Variants in MAPK10 observed in about 807,000 individuals in gnomAD.
The protein encoded by MAPK10 is JNK3 alpha protein kinase.
MAPK10 carries 25 observed loss-of-function variants against 59.3 expected under a neutral mutation model. The observed-to-expected ratio is 0.42, with a 90% CI of 0.31 to 0.59. MAPK10 has a LOEUF of 0.59. MAPK10 is among the 20% of genes least tolerant of loss of function. The pLI is 0.15. For missense variants in MAPK10, 351 were observed against 568.9 expected (o/e 0.62, Z 3.90); for synonymous variants, 190 against 200.5 (o/e 0.95, Z 0.44).
intron 1 of MAPK10, among the ~76,000 whole-genome samples, chr4:86,486,678 G>T (rs754578880): frequency 6.6e-6 from 1 of 152,194 alleles, no homozygotes; most frequent in Non-Finnish European, 1.5e-5. Flanking sequence ...GATTGATTCA[G>T]AAAAGAATTA....
rs188580411 is a variant in MAPK10, at chr4:86,345,548, T to A, written c.-7+8982A>T. Among the ~76,000 whole-genome samples the A allele has an allele frequency of 9.3e-4, 141 of 152,328 alleles. 1 individual carries two copies. The highest frequency in any genetic ancestry group is 9.7e-4 in the East Asian group (5 of 5,174). ...GATTTTCCAATATACTCGGTGAAAC[T>A]ATTGGTGTCTTAGTCACTTTAGAAA... On this transcript the variant is annotated intron_variant, in intron 2 of 13. Transcript: ENST00000641462.
At chr4:86,187,320 A>G (rs2078485311) in intron 3 of MAPK10, among the ~76,000 whole-genome samples, 1 of 152,218 alleles carries the variant, frequency 6.6e-6, no homozygotes, top group African/African-American at 2.4e-5. Context: ...GCACTGTGAT[A>G]CCACAACAGT....
intron 1 of MAPK10, among the ~76,000 whole-genome samples, chr4:86,479,696 A>G (rs1436929297): frequency 1.3e-5 from 2 of 152,264 alleles, no homozygotes; most frequent in East Asian, 3.9e-4. Context: ...GCTATGCTGA[A>G]CTTCCTTAGG....
chr4:86,501,331 GTATT>G (rs1755308373), intron 1 of MAPK10, among the ~76,000 whole-genome samples: 1 of 151,840 alleles, frequency 6.6e-6, no homozygotes, highest in Non-Finnish European at 1.5e-5. Flanking sequence ...GTATACAACT[GTATT>G]TATTTAATAA....
At position 86,017,212 on chromosome 4, in the gene MAPK10, G is replaced by A. The variant is rs756938503; in HGVS notation, c.*16C>T. Reference sequence around the variant, plus strand: ...CATCTCCTGAAGAACGCTGGGTTTCGCAGGCAGGCGGCTAGTCACCTGCAA... The same window carrying A: ...CATCTCCTGAAGAACGCTGGGTTTCACAGGCAGGCGGCTAGTCACCTGCAA... On this transcript the variant is annotated 3_prime_UTR_variant, in exon 14 of 14. Transcript: ENST00000641462. This position sits in a 1 kb window ranked among gnomAD's most constrained non-coding sequence, Gnocchi z 4.4. The A allele has an allele frequency of 1.9e-5, 30 of 1,612,064 alleles. No individual in the cohort carries two copies. Among genetic ancestry groups the A allele is most frequent in the East Asian group, 6.7e-5 (3 of 44,854 alleles).
intron 1 of MAPK10, among the ~76,000 whole-genome samples, chr4:86,385,294 T>C (rs1741315737): frequency 2.0e-5 from 3 of 152,332 alleles, no homozygotes; most frequent in Middle Eastern, 6.8e-3. Context: ...CCATTGCTGG[T>C]TATTTTTGCC....
At chr4:86,455,005 C>T (rs981719103), upstream of MAPK10, among the ~76,000 whole-genome samples, 40 of 152,074 alleles carry the variant, frequency 2.6e-4, no homozygotes, top group Admixed American at 1.6e-3. Context: ...CAATTATCAG[C>T]CAAGAATTTT....
At chr4:86,337,329 A>G (rs1722100152) in intron 2 of MAPK10, among the ~76,000 whole-genome samples, 1 of 152,220 alleles carries the variant, frequency 6.6e-6, no homozygotes, top group African/African-American at 2.4e-5. Flanking sequence ...ACTAATGATA[A>G]GAGGTTGGTG....
At chr4:86,219,851 C>T (rs1027068619) in intron 2 of MAPK10, 1 of 152,024 alleles carries the variant, frequency 6.6e-6, no homozygotes, top group African/African-American at 2.4e-5. Context: ...TAGTTATGGG[C>T]TGGTAAGAAG....
At chr4:86,305,151 C>T (rs996621997) in intron 2 of MAPK10, among the ~76,000 whole-genome samples, 4 of 152,132 alleles carry the variant, frequency 2.6e-5, no homozygotes, top group Non-Finnish European at 5.9e-5. Context: ...TTTTACTGAG[C>T]CTTTTTCCAA....
chr4:86,145,184 G>A (rs942256515), intron 4 of MAPK10, among the ~76,000 whole-genome samples: 1 of 151,898 alleles, frequency 6.6e-6, no homozygotes, highest in East Asian at 1.9e-4. Context: ...AGGGTCAAAA[G>A]ATTTCTTGGT....
intron 3 of MAPK10, chr4:86,194,111 G>T: frequency 3.9e-6 from 2 of 510,292 alleles, no homozygotes; most frequent in South Asian, 2.3e-5. Context: ...GATGAACCAG[G>T]TACCTCACGT....
intron 2 of MAPK10, among the ~76,000 whole-genome samples, chr4:86,271,110 G>T (rs887806836): frequency 3.3e-5 from 5 of 151,962 alleles, no homozygotes; most frequent in Admixed American, 3.3e-4. Context: ...TTTTCCAAGA[G>T]GTTGTACCAT....
chr4:86,345,946 T>C (rs1727908776), intron 2 of MAPK10, among the ~76,000 whole-genome samples: 2 of 152,218 alleles, frequency 1.3e-5, no homozygotes. Context: ...CTCATAACAT[T>C]TCTGTTTGAA....
chr4:86,527,626 G>A lies in MAPK10; in HGVS notation c.-263+66284C>T, dbSNP rs7693558. Among the ~76,000 whole-genome samples, 901 of 152,276 alleles carry A rather than the reference G, an allele frequency of 5.9e-3. 7 individuals are homozygous for A. Among genetic ancestry groups the A allele is most frequent in the African/African-American group, 0.019 (805 of 41,566 alleles). ...GAGATTTCTCAAAGCACTTAAAACA[G>A]AACTACTATTCGACCTGGCAATCCC... On this transcript the variant is annotated intron_variant, in intron 1 of 4. Coordinates refer to the MAPK10 transcript ENST00000502302.
rs909128484 is a variant in MAPK10, at chr4:86,423,702, A to G, written c.-122+29328T>C. 2.0e-5 allele frequency among the ~76,000 whole-genome samples: 3 copies of G among 149,462 alleles called. No homozygotes were observed. In the Admixed American group the frequency reaches 2.0e-4, roughly 10 times the overall value. On this transcript the variant is annotated intron_variant, in intron 1 of 13. Transcript: ENST00000361569. ...TGTGAGACTTCACCTATTGTGTGTT[A>G]TGAGTACTAAGTAGCCTGGTTTCCC...
intron 1 of MAPK10, among the ~76,000 whole-genome samples, chr4:86,467,576 G>A (rs1475868219): frequency 6.6e-6 from 1 of 152,116 alleles, no homozygotes; most frequent in African/African-American, 2.4e-5. Context: ...CTGGAGTGGA[G>A]TGGCGCAATC....
At chr4:86,192,933 G>A (rs2080287851) in intron 3 of MAPK10, 1 of 152,100 alleles carries the variant, frequency 6.6e-6, no homozygotes, top group Non-Finnish European at 1.5e-5. Flanking sequence ...GGTTTTTGAT[G>A]CTGATGACCT....
At chr4:86,125,846 A>G (rs1277728178) in intron 4 of MAPK10, 1 of 152,076 alleles carries the variant, frequency 6.6e-6, no homozygotes, top group Admixed American at 6.6e-5. Context: ...AGTGACTCTC[A>G]AAGTAGCCTT....
Sources: gnomAD v4.1 joint callset for allele counts (sites outside exome capture counted in the v4.1 genomes callset) on GRCh38, gnomAD v4.1.1 for gene constraint, Gnocchi (gnomAD v3.1) non-coding constraint, MANE v1.5 for transcripts, NCBI Gene and HGNC (gene_info 2026-07-23, HGNC 2026-07-21) for gene names.